Variants in SRGAP3 observed in about 807,000 individuals in gnomAD.
SRGAP3 encodes the protein SLIT-ROBO Rho GTPase-activating protein 3.
In SRGAP3, 39 loss-of-function variants were observed where a neutral mutation model predicts 121.1. The observed-to-expected ratio is 0.32, with a 90% CI of 0.25 to 0.42. The LOEUF (loss-of-function observed/expected upper bound fraction) is 0.42, where lower values mean the gene tolerates loss of function less well. Ranked by LOEUF, SRGAP3 falls within the 10% of genes least tolerant of loss-of-function variation. SRGAP3 has a pLI of 1.00. For missense variants in SRGAP3, 1,213 were observed against 1,470.6 expected, an observed-to-expected ratio of 0.82 and a Z score of 2.86; for synonymous variants, 601 against 570.0, an observed-to-expected ratio of 1.05 and a Z score of -0.77.
At chr3:9,258,270 G>A (rs949662987) in intron 3 of SRGAP3, among the ~76,000 whole-genome samples, 5 of 152,166 alleles carry the variant, frequency 3.3e-5, no homozygotes, top group Admixed American at 2.0e-4. Context: ...AACAGCTGGA[G>A]AGAACCCACC....
chr3:9,311,721 A>G (rs1270732788), intron 3 of SRGAP3, among the ~76,000 whole-genome samples: 1 of 152,226 alleles, frequency 6.6e-6, no homozygotes, highest in Admixed American at 6.5e-5. Context: ...AACAGGCCAC[A>G]GGCTGCGTTT....
At chr3:9,189,111 T>C (rs1951681443) in intron 1 of SRGAP3, among the ~76,000 whole-genome samples, 1 of 152,164 alleles carries the variant, frequency 6.6e-6, no homozygotes, top group South Asian at 2.1e-4. Flanking sequence ...ATCATCACAG[T>C]CAAGAAGGAG....
At chr3:9,326,490 C>A (rs1223325094) in intron 2 of SRGAP3, among the ~76,000 whole-genome samples, 1 of 151,738 alleles carries the variant, frequency 6.6e-6, no homozygotes, top group African/African-American at 2.4e-5. Context: ...TTTATCTTTT[C>A]CATGGCGAGT....
chr3:9,010,363 C>A lies in SRGAP3; in HGVS notation c.2172G>T (p.Gly724=). The stretch of plus-strand genomic sequence containing the variant: ...TGTCATGGTCAACTTCATCGATGGC[C>A]CCTGGCTCGCTGTGTGGGCTGTCAC... The part of the protein sequence containing the change: ...EYCDSPHSEP[G]AIDEVDHDNG... Residue 724 remains glycine (G), a synonymous_variant, in exon 18 of 22, where the codon GGG becomes GGT. Transcript: ENST00000383836. 1 of 1,614,050 alleles carries A rather than the reference C, an allele frequency of 6.2e-7. No homozygotes were observed. Among genetic ancestry groups the A allele is most frequent in the Non-Finnish European group, 8.5e-7 (1 of 1,180,002 alleles).
chr3:9,354,847 A>C (rs1292746221), intron 1 of SRGAP3, among the ~76,000 whole-genome samples: 1 of 152,168 alleles, frequency 6.6e-6, no homozygotes, highest in Non-Finnish European at 1.5e-5. Flanking sequence ...CTTTAGTTTA[A>C]TATAACCACT....
intron 9 of SRGAP3, among the ~76,000 whole-genome samples, chr3:9,048,308 T>A (rs943494808): frequency 6.6e-6 from 1 of 152,196 alleles, no homozygotes; most frequent in African/African-American, 2.4e-5. Context: ...TGGGCATGCC[T>A]CTGCTGCATG....
intron 1 of SRGAP3, among the ~76,000 whole-genome samples, chr3:9,136,196 G>T (rs891830443): frequency 2.6e-5 from 4 of 152,156 alleles, no homozygotes; most frequent in African/African-American, 4.8e-5. Context: ...TCTAGGCCCT[G>T]CACAAAAGAC....
intron 3 of SRGAP3, among the ~76,000 whole-genome samples, chr3:9,306,181 T>C (rs1423873939): frequency 3.3e-5 from 5 of 152,234 alleles, no homozygotes; most frequent in Non-Finnish European, 1.5e-5. Context: ...GAGCATTTTT[T>C]CATGTGTTTT....
At chr3:9,359,657 T>G (rs938949517) in intron 1 of SRGAP3, among the ~76,000 whole-genome samples, 1 of 151,998 alleles carries the variant, frequency 6.6e-6, no homozygotes, top group African/African-American at 2.4e-5. Context: ...CAGATTAGAG[T>G]CTTGCCAAGT....
intron 4 of SRGAP3, among the ~76,000 whole-genome samples, chr3:9,071,644 A>G (rs1159733802): frequency 2.1e-4 from 5 of 23,918 alleles, no homozygotes; most frequent in African/African-American, 3.6e-4. Flanking sequence ...TCAAAGGTGG[A>G]TGGATGGATG....
chr3:9,238,207 T>C (rs1248946844), intron 1 of SRGAP3, among the ~76,000 whole-genome samples: 1 of 152,168 alleles, frequency 6.6e-6, no homozygotes, highest in African/African-American at 2.4e-5. Flanking sequence ...CAAGAGGTAA[T>C]GGCAGGCTAG....
At chr3:9,253,089 G>T (rs1295376067), upstream of SRGAP3, among the ~76,000 whole-genome samples, 1 of 152,172 alleles carries the variant, frequency 6.6e-6, no homozygotes, top group African/African-American at 2.4e-5. Context: ...ACAGCCCCAT[G>T]AGTCCAGTGA....
intron 3 of SRGAP3, among the ~76,000 whole-genome samples, chr3:9,090,553 T>A (rs1008261145): frequency 1.3e-5 from 2 of 152,226 alleles, no homozygotes; most frequent in African/African-American, 4.8e-5. Flanking sequence ...AATGCAGGGA[T>A]CATCATGCTT....
intron 3 of SRGAP3, among the ~76,000 whole-genome samples, chr3:9,304,218 A>C (rs574739747): frequency 2.0e-5 from 3 of 152,286 alleles, no homozygotes; most frequent in Non-Finnish European, 4.4e-5. Context: ...CCCAACACCC[A>C]GCAGAGAGCC....
chr3:9,058,644 A>G (rs1458338063), intron 6 of SRGAP3, 172 bp from the exon 7 acceptor site: 2 of 646,850 alleles, frequency 3.1e-6, no homozygotes, highest in Non-Finnish European at 5.4e-6. Flanking sequence ...GCGCCCCTCA[A>G]GGGGAGTTGC....
rs577723822 is a variant in SRGAP3, at chr3:9,140,152, T to C, written c.68-15235A>G. Among the ~76,000 whole-genome samples the C allele has an allele frequency of 4.0e-3, 547 of 136,866 alleles. 2 individuals are homozygous for C. Among genetic ancestry groups the C allele is most frequent in the Non-Finnish European group, 5.4e-3 (341 of 62,830 alleles). The allele number at this position is 136,866 out of a possible 152,430, so 89.8% of individuals were successfully genotyped here. On this transcript the variant is annotated intron_variant, in intron 1 of 21. Transcript: ENST00000383836. Reference sequence around the variant, plus strand: ...ACACACACACACACACACACACACATACATACACAAATGTATGTGCAGGGA... The same window carrying C: ...ACACACACACACACACACACACACACACATACACAAATGTATGTGCAGGGA...
At chr3:9,105,334 A>T (rs1410204610) in intron 2 of SRGAP3, among the ~76,000 whole-genome samples, 1 of 152,082 alleles carries the variant, frequency 6.6e-6, no homozygotes, top group Non-Finnish European at 1.5e-5. Flanking sequence ...CCTCTTGGAA[A>T]CACATGCCTT....
chr3:8,998,530 G>T (rs1942552012), intron 18 of SRGAP3, among the ~76,000 whole-genome samples: 1 of 78,362 alleles, frequency 1.3e-5, no homozygotes, highest in African/African-American at 7.0e-5. Flanking sequence ...TGTGTTTGTG[G>T]TATGGGTGTG....
intron 10 of SRGAP3, among the ~76,000 whole-genome samples, chr3:9,047,074 C>T (rs1181409605): frequency 1.2e-4 from 18 of 152,266 alleles, no homozygotes; most frequent in South Asian, 2.1e-4. Flanking sequence ...CCTCGTGATC[C>T]GCCCACCTCA....
Sources: gnomAD v4.1 joint callset for allele counts (sites outside exome capture counted in the v4.1 genomes callset) on GRCh38, gnomAD v4.1.1 for gene constraint, MANE v1.5 for transcripts, NCBI Gene and HGNC (gene_info 2026-07-23, HGNC 2026-07-21) for gene names.